RPS29: variants seen among roughly 807,000 people sequenced by gnomAD.
RPS29 encodes the protein small ribosomal subunit protein uS14.
For missense variants in RPS29, 60 were observed against 75.7 expected, an observed-to-expected ratio of 0.79 and a Z score of 0.77; for synonymous variants, 37 against 26.9, an observed-to-expected ratio of 1.37 and a Z score of -1.16.
intron 2 of RPS29, among the ~76,000 whole-genome samples, chr14:49,583,968 C>G (rs1051791690): frequency 2.6e-5 from 4 of 152,160 alleles, no homozygotes; most frequent in Non-Finnish European, 5.9e-5. Context: ...GTTCAGTAGG[C>G]AACTATAATT....
rs1267067035 is a variant in RPS29, at chr14:49,598,292, T to A, written c.-133+108A>T. 3 of 604,258 alleles carry A rather than the reference T, an allele frequency of 5.0e-6. No individual in the cohort carries two copies. In the African/African-American group the frequency reaches 5.6e-5, roughly 11 times the overall value. 37.4% of individuals were successfully genotyped at this position (604,258 alleles called of 1,614,324 possible). A position where few individuals can be genotyped will look rare whatever the true frequency, so the allele number is the denominator to read the frequency against. On this transcript the variant is annotated intron_variant, in intron 1 of 3. Transcript: ENST00000556230. The stretch of plus-strand genomic sequence containing the variant: ...CTTCCCACTCCCCAGCCGGGCCCCG[T>A]CCTAGTTCAATCAATCAAGAAAATC...
At chr14:49,582,263 TA>T (rs529889880), downstream of RPS29, among the ~76,000 whole-genome samples, 126 of 152,268 alleles carry the variant, frequency 8.3e-4, no homozygotes, top group African/African-American at 2.5e-3. Flanking sequence ...ACCCCACCTC[TA>T]CAAAAGTAAG....
chr14:49,593,874 T>C (rs555242516), intron 1 of RPS29, among the ~76,000 whole-genome samples: 1 of 152,094 alleles, frequency 6.6e-6, no homozygotes, highest in South Asian at 2.1e-4. Flanking sequence ...AGACAAGCCT[T>C]TGGGCAACTG....
chr14:49,597,165 C>T (rs1177512549), intron 1 of RPS29, among the ~76,000 whole-genome samples: 6 of 152,158 alleles, frequency 3.9e-5, no homozygotes, highest in Non-Finnish European at 7.3e-5. Context: ...TCTCCCGCCT[C>T]GGCCTCCCAA....
chr14:49,595,396 G>A (rs940139601), intron 1 of RPS29, among the ~76,000 whole-genome samples: 21 of 151,664 alleles, frequency 1.4e-4, no homozygotes, highest in Admixed American at 2.0e-4. Context: ...GACCAGACTA[G>A]GCAACATAGC....
At chr14:49,580,105 C>T (rs1881294237), downstream of RPS29, among the ~76,000 whole-genome samples, 1 of 152,158 alleles carries the variant, frequency 6.6e-6, no homozygotes, top group Non-Finnish European at 1.5e-5. Flanking sequence ...ACCTAAGGCA[C>T]TGCACGTCTC....
chr14:49,574,600 C>T (rs1451692196), exon 3 of RPS29: 2 of 152,326 alleles, frequency 1.3e-5, no homozygotes, highest in Non-Finnish European at 2.9e-5. Flanking sequence ...CACTCTCCTG[C>T]CTTTTTTCCA....
chr14:49,596,845 A>ACTACCTC (rs1319386353), intron 1 of RPS29, among the ~76,000 whole-genome samples: 1 of 139,772 alleles, frequency 7.2e-6, no homozygotes, highest in East Asian at 2.1e-4. Context: ...TTCTTCGCTC[A>ACTACCTC]CTACCTCTGC....
chr14:49,585,753 T>C (rs1881523157), intron 2 of RPS29, 197 bp downstream of exon 2: 1 of 574,976 alleles, frequency 1.7e-6, no homozygotes, highest in African/African-American at 1.9e-5. Context: ...GTCCTTCACC[T>C]TCTCCATTCT....
At chr14:49,584,655 T>TAGGG (rs1409783374) in intron 2 of RPS29, among the ~76,000 whole-genome samples, 1 of 150,762 alleles carries the variant, frequency 6.6e-6, no homozygotes, top group African/African-American at 2.4e-5. Context: ...TCCCAGGTAC[T>TAGGG]AGGGAGGCTG....
downstream of RPS29, chr14:49,583,507 A>G (rs897303365): frequency 9.1e-6 from 7 of 767,700 alleles, no homozygotes; most frequent in Non-Finnish European, 1.2e-5. Context: ...TCAGTCTCAA[A>G]AAAAAAAAGA....
Position 49,585,971 on chromosome 14 carries a change from C to A in RPS29, c.141G>T (p.Ala47=). The change falls in exon 2 of 3, where the codon GCG becomes GCT. Residue 47 remains alanine (A), a synonymous_variant. Coordinates refer to ENST00000245458, the MANE Select transcript of RPS29 (RefSeq NM_001032.5). ...NMCRQCFRQY[A]KDIGFIKLD Reference sequence around the variant, plus strand: ...CTACCTTAATGAAACCGATATCCTTCGCGTACTGACGGAAACACTGGCGGC... The same window carrying A: ...CTACCTTAATGAAACCGATATCCTTAGCGTACTGACGGAAACACTGGCGGC... 6.2e-7 allele frequency: 1 copy of A among 1,613,800 alleles called. No homozygotes were observed. Among genetic ancestry groups the A allele is most frequent in the East Asian group, 2.2e-5 (1 of 44,886 alleles).
At chr14:49,575,347 G>A (rs1881151976) in exon 3 of RPS29, 1 of 152,242 alleles carries the variant, frequency 6.6e-6, no homozygotes, top group South Asian at 2.1e-4. Flanking sequence ...CTGGCATCAG[G>A]GATCTCTTTC....
chr14:49,592,642 C>T (rs1410234396), intron 1 of RPS29, among the ~76,000 whole-genome samples: 1 of 151,382 alleles, frequency 6.6e-6, no homozygotes, highest in African/African-American at 2.4e-5. Context: ...GGCGCAGTGG[C>T]TCACACCTGT....
At chr14:49,586,405 C>T, upstream of RPS29, 3 of 1,478,256 alleles carry the variant, frequency 2.0e-6, no homozygotes, top group Non-Finnish European at 2.8e-6. Flanking sequence ...ATGCGCTCTT[C>T]AAATTTTTGA....
In RPS29 at chr14:49,586,238, T is replaced by C. The variant is rs776633654; in HGVS notation, c.62+47A>G. The C allele has an allele frequency of 2.5e-6, 4 of 1,585,784 alleles. No individual in the cohort carries two copies. The South Asian group carries it at 3.3e-5, about 13-fold the overall frequency. On this transcript the variant is annotated intron_variant, in intron 1 of 2. Coordinates refer to ENST00000245458, the MANE Select transcript of RPS29 (RefSeq NM_001032.5). ...CCTCTACTTGAGATTTTAAGCAGCC[T>C]AGCGCTCCACGGCAACGCTTCCCCA...
intron 1 of RPS29, among the ~76,000 whole-genome samples, chr14:49,594,158 T>C (rs72678064): frequency 0.47 from 70,716 of 152,074 alleles, 17,485 homozygotes; most frequent in Middle Eastern, 0.56. Flanking sequence ...GCAGTATGGA[T>C]GGTGGATTAT....
chr14:49,590,320 A>G (rs758892413), upstream of RPS29, among the ~76,000 whole-genome samples: 4 of 152,086 alleles, frequency 2.6e-5, no homozygotes, highest in Admixed American at 6.6e-5. Context: ...CACTAAAAAT[A>G]CAAAAATTAG....
intron 1 of RPS29, 77 bp downstream of exon 1, chr14:49,586,208 G>T: frequency 6.7e-7 from 1 of 1,487,400 alleles, no homozygotes; most frequent in Non-Finnish European, 9.4e-7. Flanking sequence ...TGCCGCCCGT[G>T]GCCTCCTCTA....
Sources: allele counts gnomAD v4.1 joint callset (sites outside exome capture counted in the v4.1 genomes callset), GRCh38; gene constraint gnomAD v4.1.1; transcripts MANE v1.5; gene names NCBI Gene and HGNC (gene_info 2026-07-23, HGNC 2026-07-21).